The following ANO2 variants were observed in gnomAD, a reference collection of about 807,000 sequenced individuals.
The protein encoded by ANO2 is anoctamin 2, also known as anoctamin-2.
A neutral mutation model predicts 124.2 loss-of-function variants in ANO2; 101 were observed. The ratio of observed to expected loss-of-function variants is 0.81; its 90% CI spans 0.69 to 0.96. The LOEUF (loss-of-function observed/expected upper bound fraction) is 0.96. Among genes scored for constraint, ANO2 ranks in the 40% least tolerant of loss-of-function variants. The pLI is 0.00. For missense variants in ANO2, 1,293 were observed against 1,274.5 expected, an observed-to-expected ratio of 1.01 and a Z score of -0.22; for synonymous variants, 486 against 482.5, an observed-to-expected ratio of 1.01 and a Z score of -0.09.
chr12:5,814,997 A>G (rs977113962), intron 7 of ANO2, among the ~76,000 whole-genome samples: 1 of 152,198 alleles, frequency 6.6e-6, no homozygotes. Flanking sequence ...AGGTGTTTTG[A>G]AAAACATACA....
At chr12:5,877,336 G>A (rs752483366) in intron 3 of ANO2, among the ~76,000 whole-genome samples, 3 of 152,224 alleles carry the variant, frequency 2.0e-5, no homozygotes, top group Non-Finnish European at 4.4e-5. Flanking sequence ...TTCTCCCTCA[G>A]AGCCTCCAGG....
chr12:5,723,262 G>A (rs996499799), intron 14 of ANO2, among the ~76,000 whole-genome samples: 6 of 152,316 alleles, frequency 3.9e-5, no homozygotes, highest in Admixed American at 6.5e-5. Flanking sequence ...TGTGGTGGCC[G>A]TGAAGGCTGG....
intron 10 of ANO2, among the ~76,000 whole-genome samples, chr12:5,766,991 A>G (rs926022455): frequency 6.6e-6 from 1 of 152,212 alleles, no homozygotes; most frequent in African/African-American, 2.4e-5. Context: ...TGGCTGCACA[A>G]TTCTCAGGAG....
intron 12 of ANO2, chr12:5,741,104 C>T (rs1951080055): frequency 6.6e-6 from 1 of 152,366 alleles, no homozygotes; most frequent in African/African-American, 2.4e-5. Context: ...ACAGATCCAC[C>T]CCACCTCTAG....
At chr12:5,742,418 A>T (rs540747006) in intron 12 of ANO2, among the ~76,000 whole-genome samples, 56 of 147,758 alleles carry the variant, frequency 3.8e-4, no homozygotes, top group African/African-American at 1.4e-3. Context: ...GCTCTGGCGC[A>T]ATCTCACCCC....
At chr12:5,849,490 C>T (rs546652505) in intron 4 of ANO2, among the ~76,000 whole-genome samples, 2 of 152,244 alleles carry the variant, frequency 1.3e-5, no homozygotes, top group Admixed American at 1.3e-4. Context: ...CATTTCAAAC[C>T]TTCTCAGGCT....
chr12:5,615,300 G>GT lies in ANO2; in HGVS notation c.1817-4dup. The stretch of plus-strand genomic sequence containing the variant: ...AGTCTGTTCTGTTTTCGGAACCTCT[G>GT]TAAGAGAAGAGCGAGGCTGATGAGA... On this transcript the variant is annotated splice_polypyrimidine_tract_variant and splice_region_variant and intron_variant, in intron 16 of 24. Transcript: ENST00000682330. 1 of 1,610,252 alleles carries GT rather than the reference G, an allele frequency of 6.2e-7. No homozygotes were observed. The highest frequency in any genetic ancestry group is 1.3e-5 in the African/African-American group (1 of 75,014).
intron 10 of ANO2, among the ~76,000 whole-genome samples, chr12:5,777,683 C>T (rs766327501): frequency 2.0e-5 from 3 of 151,986 alleles, no homozygotes; most frequent in African/African-American, 7.2e-5. Context: ...AGGAAAAAAA[C>T]AAAAGAACGG....
chr12:5,764,908 C>A (rs1175063513), intron 10 of ANO2, among the ~76,000 whole-genome samples: 1 of 152,192 alleles, frequency 6.6e-6, no homozygotes, highest in Admixed American at 6.5e-5. Flanking sequence ...TAGTCACTTC[C>A]TTCAGGAAAA....
chr12:5,854,242 C>T (rs1955019907), intron 3 of ANO2, 101 bp from the exon 4 acceptor site: 2 of 1,056,784 alleles, frequency 1.9e-6, no homozygotes, highest in East Asian at 5.2e-5. Context: ...ACCCGTTGTT[C>T]TTCAGTTTCT....
intron 7 of ANO2, among the ~76,000 whole-genome samples, chr12:5,826,437 CATATATATATATATATATATATATATAT>C (rs10526567): frequency 1.4e-5 from 2 of 144,266 alleles, no homozygotes; most frequent in African/African-American, 5.5e-5. Context: ...TTAATAAACT[CATATATATATATATATATATATATATAT>C]ATATATATAT....
At chr12:5,884,301 C>T (rs566309991) in intron 3 of ANO2, among the ~76,000 whole-genome samples, 9 of 152,330 alleles carry the variant, frequency 5.9e-5, no homozygotes, top group African/African-American at 1.9e-4. Context: ...GCTTCAGTTT[C>T]AGAGGTGTCA....
At chr12:5,826,615 A>C (rs368226362) in intron 7 of ANO2, among the ~76,000 whole-genome samples, 11 of 152,104 alleles carry the variant, frequency 7.2e-5, no homozygotes, top group East Asian at 3.8e-4. Flanking sequence ...GTGCATTGTT[A>C]TTTGGAATCT....
intron 11 of ANO2, among the ~76,000 whole-genome samples, chr12:5,750,530 T>C (rs1016721599): frequency 6.6e-6 from 1 of 152,200 alleles, no homozygotes; most frequent in Non-Finnish European, 1.5e-5. Flanking sequence ...AGGAAAAAAG[T>C]ATTTCTCTGG....
At chr12:5,879,308 C>T (rs2137293912) in intron 3 of ANO2, among the ~76,000 whole-genome samples, 1 of 152,294 alleles carries the variant, frequency 6.6e-6, no homozygotes, top group Non-Finnish European at 1.5e-5. Flanking sequence ...TTCAGAAGCC[C>T]TTCAGTTTCT....
At chr12:5,616,886 T>C (rs1944836029) in intron 16 of ANO2, among the ~76,000 whole-genome samples, 1 of 151,800 alleles carries the variant, frequency 6.6e-6, no homozygotes, top group Non-Finnish European at 1.5e-5. Flanking sequence ...GACCACACAG[T>C]ACCACAATCT....
At position 5,658,661 on chromosome 12, in the gene ANO2, C is replaced by T. The variant is rs1166343726; in HGVS notation, c.1546-10860G>A. Among the ~76,000 whole-genome samples the T allele has an allele frequency of 6.6e-6, 1 of 150,512 alleles. No homozygotes were observed. Among genetic ancestry groups the T allele is most frequent in the Non-Finnish European group, 1.5e-5 (1 of 68,036 alleles). On this transcript the variant is annotated intron_variant, in intron 14 of 24. Transcript: ENST00000682330. The surrounding 1 kb of genome is among the most constrained non-coding windows in gnomAD (Gnocchi z 4.3). ...TCATTGTCATCAATATCATCATCAT[C>T]ATCATCAACATCATTATCATCATTA...
chr12:5,740,981 C>T (rs3782642), intron 12 of ANO2: 16,184 of 152,586 alleles, frequency 0.11, 927 homozygotes, highest in African/African-American at 0.14. Flanking sequence ...CAGCTCAAGT[C>T]CCCCTCTTCC....
chr12:5,927,148 T>G (rs1591803827), intron 1 of ANO2, among the ~76,000 whole-genome samples: 1 of 152,242 alleles, frequency 6.6e-6, no homozygotes, highest in Non-Finnish European at 1.5e-5. Flanking sequence ...CACTTCCTCC[T>G]GGAAGCTTCC....
Sources: gnomAD v4.1 joint callset for allele counts (sites outside exome capture counted in the v4.1 genomes callset) on GRCh38, gnomAD v4.1.1 for gene constraint, Gnocchi (gnomAD v3.1) non-coding constraint, MANE v1.5 for transcripts, NCBI Gene and HGNC (gene_info 2026-07-23, HGNC 2026-07-21) for gene names.